ACTN2: variants seen among roughly 807,000 people sequenced by gnomAD.
ACTN2 encodes alpha-actinin-2.
A neutral mutation model predicts 113.8 loss-of-function variants in ACTN2; 39 were observed. The ratio of observed to expected loss-of-function variants is 0.34; its 90% confidence interval spans 0.27 to 0.45. ACTN2 has a LOEUF of 0.45. Among genes scored for constraint, ACTN2 ranks in the 20% least tolerant of loss-of-function variants. ACTN2 has a pLI of 1.00. For synonymous variants in ACTN2, 429 were observed against 444.1 expected (o/e 0.97, Z 0.43); for missense variants, 992 against 1,177.9 (o/e 0.84, Z 2.31).
chr1:236,693,177 G>GCACGCA (rs1553296433), intron 1 of ACTN2, among the ~76,000 whole-genome samples: 1 of 149,038 alleles, frequency 6.7e-6, no homozygotes, highest in Admixed American at 6.7e-5. Context: ...CTGCACACAT[G>GCACGCA]CACACACACA....
chr1:236,731,157 G>T, intron 6 of ACTN2, 76 bp from the exon 7 acceptor site: 1 of 1,129,408 alleles, frequency 8.9e-7, no homozygotes, highest in Non-Finnish European at 1.3e-6. Flanking sequence ...CTAAAGTGAG[G>T]TACATAAGAA....
In ACTN2 at chr1:236,695,102, C is replaced by T. The variant is rs772107424; in HGVS notation, c.126+8303C>T. On this transcript the variant is annotated intron_variant, in intron 1 of 20. Coordinates refer to ENST00000366578, the MANE Select transcript of ACTN2 (RefSeq NM_001103.4). ...AATGTTCAGGCCGGGCACAGTGTCT[C>T]ATGCCTGTAATCCCAGCCCTTTGGG... Among the ~76,000 whole-genome samples the T allele has an allele frequency of 1.4e-3, 210 of 151,696 alleles. 1 individual carries two copies. Among genetic ancestry groups the T allele is most frequent in the Non-Finnish European group, 2.2e-3 (150 of 67,942 alleles).
At position 236,725,930 on chromosome 1, in the gene ACTN2, C is replaced by CTTCT. The variant is rs776533582; in HGVS notation, c.449-3_449-2insTTCT. The CTTCT allele has an allele frequency of 4.3e-6, 7 of 1,613,962 alleles. No homozygotes were observed. The highest frequency in any genetic ancestry group is 1.3e-5 in the African/African-American group (1 of 74,932). On this transcript the variant is annotated splice_polypyrimidine_tract_variant and splice_region_variant and intron_variant, in intron 4 of 20. Transcript: ENST00000366578. ...GGCCACTTTTTCTTGGCTGTCATTA[C>CTTCT]AGAAACATCTGCCAAAGAAGGTCTG...
intron 1 of ACTN2, among the ~76,000 whole-genome samples, chr1:236,713,494 T>C (rs1216341323): frequency 6.6e-6 from 1 of 152,216 alleles, no homozygotes; most frequent in Non-Finnish European, 1.5e-5. Context: ...CCCAAAGTGC[T>C]GGGATTACAG....
At chr1:236,703,278 G>C (rs1657728803) in intron 1 of ACTN2, among the ~76,000 whole-genome samples, 1 of 152,106 alleles carries the variant, frequency 6.6e-6, no homozygotes, top group Admixed American at 6.6e-5. Context: ...AGTCCTCAAA[G>C]GAATTCTCCA....
Position 236,725,938 on chromosome 1 carries a change from T to C in ACTN2, c.454T>C (p.Ser152Pro). 1 of 1,614,132 alleles carries C rather than the reference T, an allele frequency of 6.2e-7. No homozygotes were observed. The highest frequency in any genetic ancestry group is 8.5e-7 in the Non-Finnish European group (1 of 1,179,958). ...TTTCTTGGCTGTCATTACAGAAACATCTGCCAAAGAAGGTCTGCTGCTTTG... is the reference window on the plus strand; with the variant it reads ...TTTCTTGGCTGTCATTACAGAAACACCTGCCAAAGAAGGTCTGCTGCTTTG... ...AIQDISVEET[S>P]AKEGLLLWCQ... The change falls in exon 5 of 21, where the codon TCT becomes CCT. Residue 152 changes from serine to proline, a missense_variant. By Grantham distance (74) the Ser-to-Pro change is moderately conservative (BLOSUM62 -1). Around this residue, in one of 3 missense-constraint regions of ACTN2, gnomAD observed 220 missense variants for 337.5 expected, o/e 0.65. Transcript: ENST00000366578.
intron 15 of ACTN2, 100 bp downstream of exon 15, chr1:236,751,752 T>A: frequency 7.2e-7 from 1 of 1,398,340 alleles, no homozygotes; most frequent in Non-Finnish European, 1.0e-6. Context: ...ACGGCCTCAT[T>A]TTGCATCATG....
At chr1:236,753,782 G>A (rs1659468129) in intron 15 of ACTN2, 165 bp from the exon 16 acceptor site, 1 of 845,210 alleles carries the variant, frequency 1.2e-6, no homozygotes, top group African/African-American at 1.7e-5. Context: ...CCTAGACTAG[G>A]GACTCCTCCT....
At position 236,709,220 on chromosome 1, in the gene ACTN2, G is replaced by GTGTGTATA. The variant is rs1275373436; in HGVS notation, c.127-8637_127-8636insGTGTATAT. Among the ~76,000 whole-genome samples, 176 of 66,836 alleles carry GTGTGTATA rather than the reference G, an allele frequency of 2.6e-3. 2 individuals carry two copies. The highest frequency in any genetic ancestry group is 4.0e-3 in the Non-Finnish European group (150 of 37,234). The allele number at this position is 66,836 out of a possible 152,430, so 43.8% of individuals were successfully genotyped here. A position where few individuals can be genotyped will look rare whatever the true frequency, so the allele number is the denominator to read the frequency against. On this transcript the variant is annotated intron_variant, in intron 1 of 20. Transcript: ENST00000366578. ...ATAAAGCTGATCATGACAAATGACT[G>GTGTGTATA]TATATATATATATATATATATATAT...
At chr1:236,752,508 T>TGGG (rs1659425538) in intron 15 of ACTN2, among the ~76,000 whole-genome samples, 2 of 127,294 alleles carry the variant, frequency 1.6e-5, no homozygotes, top group African/African-American at 3.1e-5. Context: ...CTTGCGGGGG[T>TGGG]GGGGGCGGGG....
At chr1:236,750,310 G>A (rs1028175378) in intron 14 of ACTN2, among the ~76,000 whole-genome samples, 5 of 152,152 alleles carry the variant, frequency 3.3e-5, no homozygotes, top group African/African-American at 9.7e-5. Flanking sequence ...ACCAGGAGCC[G>A]TCTAGAAGGG....
At chr1:236,761,425 G>A (rs1267237278) in intron 20 of ACTN2, among the ~76,000 whole-genome samples, 1 of 92,026 alleles carries the variant, frequency 1.1e-5, no homozygotes, top group East Asian at 2.8e-4. Flanking sequence ...GAGTGTATTT[G>A]TACTTGCGTG....
chr1:236,755,671 G>A (rs1201055737), intron 17 of ACTN2, among the ~76,000 whole-genome samples: 4 of 144,644 alleles, frequency 2.8e-5, no homozygotes, highest in African/African-American at 1.0e-4. Flanking sequence ...TAGAACCCTG[G>A]TAATAGAGTA....
Position 236,686,524 on chromosome 1 carries a change from A to C in ACTN2, c.-150A>C. On this transcript the variant is annotated 5_prime_UTR_variant, in exon 1 of 21. Coordinates refer to ENST00000366578, the MANE Select transcript of ACTN2 (RefSeq NM_001103.4). ...GGAGCTGGTGCTTCGCCCGAGACCCAGCGCCCAGGCGTGTCGCCCCGAGAG... is the reference window on the plus strand; with the variant it reads ...GGAGCTGGTGCTTCGCCCGAGACCCCGCGCCCAGGCGTGTCGCCCCGAGAG... 1.1e-6 allele frequency: 1 copy of C among 879,436 alleles called. No individual in the cohort carries two copies. The allele number at this position is 879,436 out of a possible 1,614,324, so 54.5% of individuals were successfully genotyped here.
Position 236,686,743 on chromosome 1 carries a change from GA to G in ACTN2, c.71del (p.Glu24GlyfsTer29). 6.4e-7 allele frequency: 1 copy of G among 1,556,622 alleles called. No individual in the cohort carries two copies. The highest frequency in any genetic ancestry group is 1.2e-5 in the South Asian group (1 of 85,438). ...YDEDEYMIQE[E>X]EWDRDLLLDP... The stretch of plus-strand genomic sequence containing the variant: ...CGAGGATGAGTACATGATCCAGGAG[GA>G]GGAGTGGGACCGCGACCTGCTCCTG... On this transcript the variant is annotated frameshift_variant, in exon 1 of 21. Coordinates refer to ENST00000366578, the MANE Select transcript of ACTN2 (RefSeq NM_001103.4). LOFTEE classifies it high-confidence loss of function.
chr1:236,709,257 C>CATATAT (rs1334871243), intron 1 of ACTN2, among the ~76,000 whole-genome samples: 1,425 of 86,310 alleles, frequency 0.017, 37 homozygotes, highest in African/African-American at 0.057. Flanking sequence ...TATATATATA[C>CATATAT]ACACACACAC....
intron 1 of ACTN2, among the ~76,000 whole-genome samples, chr1:236,690,735 G>A (rs1364592300): frequency 6.6e-6 from 1 of 152,168 alleles, no homozygotes; most frequent in Non-Finnish European, 1.5e-5. Flanking sequence ...TGACCTTGAT[G>A]TACTTTGAAA....
chr1:236,759,844 T>G, intron 19 of ACTN2, 55 bp downstream of exon 19: 1 of 1,548,998 alleles, frequency 6.5e-7, no homozygotes. Flanking sequence ...AATTTGGATT[T>G]CTGTTATAAA....
At chr1:236,687,828 C>T (rs945595221) in intron 1 of ACTN2, among the ~76,000 whole-genome samples, 4 of 152,232 alleles carry the variant, frequency 2.6e-5, no homozygotes, top group African/African-American at 7.2e-5. Flanking sequence ...TCGCAGCAAA[C>T]AGCGTTAGCT....
Sources: allele counts gnomAD v4.1 joint callset (sites outside exome capture counted in the v4.1 genomes callset), GRCh38; gene constraint gnomAD v4.1.1; regional missense constraint gnomAD v4.1.1; transcripts MANE v1.5; gene names NCBI Gene and HGNC (gene_info 2026-07-23, HGNC 2026-07-21).